The following ESR1 variants were observed in gnomAD, a reference collection of about 807,000 sequenced individuals.
ESR1 encodes the protein estrogen receptor 1.
ESR1 carries 12 observed loss-of-function variants against 52.7 expected under a neutral mutation model. The ratio of observed to expected loss-of-function variants is 0.23; its 90% CI spans 0.15 to 0.37. The LOEUF (loss-of-function observed/expected upper bound fraction) is 0.37. Among genes scored for constraint, ESR1 ranks in the 10% least tolerant of loss-of-function variants. ESR1 has a pLI of 1.00. For missense variants in ESR1, 584 were observed against 779.7 expected (o/e 0.75, Z 2.99); for synonymous variants, 305 against 316.8 (o/e 0.96, Z 0.39).
At chr6:151,669,146 G>GGGTGAGAGAGAGAGAGAGAGAGAGGGAGA (rs1562319390) in intron 1 of ESR1, among the ~76,000 whole-genome samples, 1 of 133,498 alleles carries the variant, frequency 7.5e-6, no homozygotes, top group Non-Finnish European at 1.6e-5. Flanking sequence ...TTTGGGAGCT[G>GGGTGAGAGAGAGAGAGAGAGAGAGGGAGA]GGAGAGAGAG....
chr6:152,022,705 C>T (rs563265808), intron 5 of ESR1, among the ~76,000 whole-genome samples: 6 of 152,180 alleles, frequency 3.9e-5, no homozygotes, highest in Middle Eastern at 3.4e-3. Context: ...GGTGCAGTGG[C>T]TTACGCATGT....
chr6:151,712,325 CTT>C (rs777074509), intron 2 of ESR1, among the ~76,000 whole-genome samples: 1 of 151,802 alleles, frequency 6.6e-6, no homozygotes, highest in Admixed American at 6.6e-5. Context: ...GCTATACGGG[CTT>C]TTTTTTGGTT....
At chr6:151,967,902 T>G (rs1357992893) in intron 4 of ESR1, among the ~76,000 whole-genome samples, 3 of 152,244 alleles carry the variant, frequency 2.0e-5, no homozygotes, top group African/African-American at 7.2e-5. Flanking sequence ...GGTATGTCGT[T>G]CTGGTTTTGA....
chr6:152,029,932 C>G (rs934832784), intron 5 of ESR1, among the ~76,000 whole-genome samples: 1 of 152,220 alleles, frequency 6.6e-6, no homozygotes, highest in Non-Finnish European at 1.5e-5. Flanking sequence ...ATCAGACTAA[C>G]AGCGGATCTC....
chr6:151,835,835 A>C (rs1783241625), intron 1 of ESR1, among the ~76,000 whole-genome samples: 1 of 151,902 alleles, frequency 6.6e-6, no homozygotes, highest in Non-Finnish European at 1.5e-5. Flanking sequence ...CCGGTTTATC[A>C]CTCCCAGAAT....
intron 3 of ESR1, among the ~76,000 whole-genome samples, chr6:151,901,432 T>A (rs1009874336): frequency 6.6e-6 from 1 of 152,092 alleles, no homozygotes; most frequent in African/African-American, 2.4e-5. Context: ...CCAAATTCAC[T>A]CCCTCCCCCA....
chr6:151,775,652 A>G (rs1785908760), intron 2 of ESR1, among the ~76,000 whole-genome samples: 2 of 151,850 alleles, frequency 1.3e-5, no homozygotes, highest in African/African-American at 2.4e-5. Context: ...AGGCTGAGGC[A>G]GGAGAATGGC....
chr6:151,967,051 T>C (rs964381324), intron 4 of ESR1, among the ~76,000 whole-genome samples: 1 of 152,216 alleles, frequency 6.6e-6, no homozygotes, highest in African/African-American at 2.4e-5. Context: ...ATAAAGGCTA[T>C]GAAGGGGGAA....
At chr6:151,679,924 T>C (rs11969876) in intron 1 of ESR1, among the ~76,000 whole-genome samples, 2,623 of 152,308 alleles carry the variant, frequency 0.017, 77 homozygotes, top group African/African-American at 0.06. Context: ...TCTGATCACC[T>C]GGCTTATAAG....
chr6:152,015,364 CA>C lies in ESR1; in HGVS notation c.1235+3574del, dbSNP rs1167971880. Among the ~76,000 whole-genome samples the C allele has an allele frequency of 2.0e-5, 3 of 152,284 alleles. No individual in the cohort carries two copies. In the East Asian group the frequency reaches 5.8e-4, roughly 29 times the overall value. On this transcript the variant is annotated intron_variant, in intron 5 of 7. Transcript: ENST00000206249. ...TTCTCCTCTTCAGCCTTTATATATACAAAAGGCTTTTCTTTCTTTTCCTTTT... is the reference window on the plus strand; with the variant it reads ...TTCTCCTCTTCAGCCTTTATATATACAAAGGCTTTTCTTTCTTTTCCTTTT...
chr6:151,745,038 T>C (rs531273028), intron 2 of ESR1, among the ~76,000 whole-genome samples: 101 of 152,176 alleles, frequency 6.6e-4, no homozygotes, highest in Non-Finnish European at 1.2e-3. Context: ...TCTTAGCTCT[T>C]CTCCACCAGA....
chr6:151,752,415 T>C (rs1481878111), intron 2 of ESR1, among the ~76,000 whole-genome samples: 1 of 152,090 alleles, frequency 6.6e-6, no homozygotes, highest in Non-Finnish European at 1.5e-5. Context: ...AATACTGTTT[T>C]ATCAGTTTAC....
chr6:151,820,246 G>A (rs1196308389), intron 1 of ESR1, among the ~76,000 whole-genome samples: 1 of 152,200 alleles, frequency 6.6e-6, no homozygotes, highest in Non-Finnish European at 1.5e-5. Context: ...GTACTCTTCA[G>A]AGCTCCAGCC....
At chr6:151,840,895 A>G (rs892912230) in intron 1 of ESR1, among the ~76,000 whole-genome samples, 1 of 152,180 alleles carries the variant, frequency 6.6e-6, no homozygotes, top group Non-Finnish European at 1.5e-5. Flanking sequence ...TGGAGTGCCA[A>G]CTACATGCCA....
chr6:151,861,196 A>C (rs1192078182), intron 2 of ESR1, among the ~76,000 whole-genome samples: 1 of 152,078 alleles, frequency 6.6e-6, no homozygotes, highest in Non-Finnish European at 1.5e-5. Context: ...TCAGCCTGCT[A>C]TGTCTCTTTC....
At chr6:152,068,659 A>G (rs1247501001) in intron 6 of ESR1, among the ~76,000 whole-genome samples, 1 of 152,272 alleles carries the variant, frequency 6.6e-6, no homozygotes, top group Non-Finnish European at 1.5e-5. Flanking sequence ...ATAAAATTTT[A>G]AAATTCTTAA....
chr6:152,066,820 G>T lies in ESR1; in HGVS notation c.1369+5696G>T, dbSNP rs572442048. Among the ~76,000 whole-genome samples, 109 of 152,288 alleles carry T rather than the reference G, an allele frequency of 7.2e-4. No homozygotes were observed. In the South Asian group the frequency reaches 0.02, roughly 28 times the overall value. ...GGAGAAGCAACTCTGCCACTTCCTT[G>T]GCGGAAGGGGGATGACTGATGTCCT... On this transcript the variant is annotated intron_variant, in intron 6 of 7. Transcript: ENST00000206249.
chr6:151,868,510 T>C (rs73009660), intron 2 of ESR1, among the ~76,000 whole-genome samples: 121 of 152,308 alleles, frequency 7.9e-4, no homozygotes, highest in Non-Finnish European at 1.1e-3. Flanking sequence ...TCTGTCTTTA[T>C]GTTCATGTGT....
At chr6:151,900,489 T>C (rs1357357165) in intron 3 of ESR1, among the ~76,000 whole-genome samples, 1 of 152,142 alleles carries the variant, frequency 6.6e-6, no homozygotes, top group Non-Finnish European at 1.5e-5. Context: ...GGTGAGCTAG[T>C]GTGATTTTTT....
Sources: gnomAD v4.1 joint callset for allele counts (sites outside exome capture counted in the v4.1 genomes callset) on GRCh38, gnomAD v4.1.1 for gene constraint, MANE v1.5 for transcripts, NCBI Gene and HGNC (gene_info 2026-07-23, HGNC 2026-07-21) for gene names.